OOSP3: variants seen among roughly 807,000 people sequenced by gnomAD.
OOSP3 encodes the protein oocyte secreted protein family member 3.
chr11:59,887,110 G>T (rs1354626003), intron 2 of OOSP3, among the ~76,000 whole-genome samples: 39 of 145,238 alleles, frequency 2.7e-4, no homozygotes, highest in South Asian at 1.3e-3. Flanking sequence ...CTTTTTAATG[G>T]TTTTTTTTTT....
intron 2 of OOSP3, among the ~76,000 whole-genome samples, chr11:59,882,264 A>ATT (rs200835564): frequency 6.7e-6 from 1 of 149,738 alleles, no homozygotes; most frequent in African/African-American, 2.4e-5. Context: ...TCTTTTGAAG[A>ATT]TTTTTTTTTT....
At chr11:59,881,870 C>CA (rs577001237) in intron 2 of OOSP3, among the ~76,000 whole-genome samples, 49 of 151,726 alleles carry the variant, frequency 3.2e-4, no homozygotes, top group African/African-American at 1.1e-3. Flanking sequence ...GACTCCGTCT[C>CA]AAAAAAATAA....
intron 2 of OOSP3, 147 bp from the exon 3 acceptor site, chr11:59,893,932 A>G (rs1257289105): frequency 2.5e-6 from 1 of 392,640 alleles, no homozygotes; most frequent in Non-Finnish European, 4.5e-6. Flanking sequence ...TTTCTGGTGA[A>G]TCAGTTTTCT....
intron 2 of OOSP3, among the ~76,000 whole-genome samples, chr11:59,881,362 CAAA>C (rs199571943): frequency 1.7e-5 from 2 of 116,012 alleles, no homozygotes; most frequent in African/African-American, 3.1e-5. Flanking sequence ...GAGACTATCT[CAAA>C]AAAAAAAAAA....
chr11:59,891,804 G>A (rs182272243), intron 2 of OOSP3, among the ~76,000 whole-genome samples: 40 of 152,368 alleles, frequency 2.6e-4, no homozygotes, highest in Middle Eastern at 3.4e-3. Context: ...CTGCACTGGG[G>A]TGAATCCCCC....
intron 2 of OOSP3, among the ~76,000 whole-genome samples, chr11:59,890,288 T>TA (rs1228817872): frequency 4.6e-5 from 7 of 152,348 alleles, no homozygotes; most frequent in African/African-American, 1.7e-4. Context: ...TTAAGGTTGA[T>TA]ATTGCTATGT....
exon 2 of OOSP3, chr11:59,880,410 C>T (rs1002127507): frequency 1.3e-5 from 5 of 398,320 alleles, no homozygotes; most frequent in Non-Finnish European, 2.2e-5. Flanking sequence ...GTTTAATTAC[C>T]CTGCCACTCA....
Position 59,894,872 on chromosome 11 carries a change from TA to T in OOSP3, c.351-629del, listed in dbSNP as rs553473450. Among the ~76,000 whole-genome samples, 73 of 152,226 alleles carry T rather than the reference TA, an allele frequency of 4.8e-4. No individual in the cohort carries two copies. The South Asian group carries it at 0.014, about 29-fold the overall frequency. On this transcript the variant is annotated intron_variant, in intron 3 of 4. Transcript: ENST00000646438. ...CAGGGAATGCTTGCAGAAACAGGAA[TA>T]GTAGCCAAATTACTCAGTTTTCAAC...
At chr11:59,894,248 T>C (rs371487337) in intron 3 of OOSP3, 72 bp downstream of exon 3, 163 of 397,608 alleles carry the variant, frequency 4.1e-4, no homozygotes, top group African/African-American at 2.6e-3. Flanking sequence ...ATTTGGAATA[T>C]GAAGCTTTAC....
rs180885868 is a variant in OOSP3, at chr11:59,890,597, C to T, written c.253-3482C>T. Among the ~76,000 whole-genome samples the T allele has an allele frequency of 2.0e-3, 307 of 152,256 alleles. 4 individuals carry two copies. Among genetic ancestry groups the T allele is most frequent in the African/African-American group, 6.6e-3 (273 of 41,558 alleles). On this transcript the variant is annotated intron_variant, in intron 2 of 4. Coordinates refer to ENST00000646438, the Ensembl canonical transcript of OOSP3. ...AATTCTTGTCTTTAAAAATGTTGAACATTGGCTCCCAATCTCTTTTGGCTT... is the reference window on the plus strand; with the variant it reads ...AATTCTTGTCTTTAAAAATGTTGAATATTGGCTCCCAATCTCTTTTGGCTT...
intron 3 of OOSP3, among the ~76,000 whole-genome samples, 192 bp downstream of exon 3, chr11:59,894,368 A>AC (rs547056620): frequency 9.2e-5 from 14 of 151,812 alleles, no homozygotes; most frequent in Admixed American, 2.6e-4. Flanking sequence ...ATGCCCTGGG[A>AC]CCCCCCCTTA....
At chr11:59,894,436 C>A (rs569650251) in intron 3 of OOSP3, among the ~76,000 whole-genome samples, 1 of 152,258 alleles carries the variant, frequency 6.6e-6, no homozygotes, top group South Asian at 2.1e-4. Context: ...GTGATACCAA[C>A]TGGGCTTGGA....
intron 2 of OOSP3, among the ~76,000 whole-genome samples, chr11:59,891,735 A>G (rs1853314774): frequency 6.6e-6 from 1 of 152,218 alleles, no homozygotes; most frequent in South Asian, 2.1e-4. Context: ...GTCAGGAGGC[A>G]TGGAATCAGG....
intron 3 of OOSP3, among the ~76,000 whole-genome samples, chr11:59,894,941 C>T (rs1853342570): frequency 6.6e-6 from 1 of 152,154 alleles, no homozygotes; most frequent in Admixed American, 6.5e-5. Context: ...AAGTTGTTCT[C>T]TATTCTACAT....
exon 5 of OOSP3, chr11:59,896,402 A>C: frequency 2.7e-6 from 1 of 370,778 alleles, no homozygotes; most frequent in East Asian, 3.9e-5. Context: ...ATACCCTTGC[A>C]TAGTCTCTTA....
At chr11:59,896,372 C>T (rs186556182) in exon 5 of OOSP3, 105 of 389,042 alleles carry the variant, frequency 2.7e-4, no homozygotes, top group Admixed American at 6.2e-4. Flanking sequence ...AAAAAGTGCT[C>T]CTTTTAAACA....
intron 2 of OOSP3, among the ~76,000 whole-genome samples, chr11:59,892,310 C>G (rs922182379): frequency 1.3e-5 from 2 of 152,150 alleles, no homozygotes; most frequent in Non-Finnish European, 2.9e-5. Context: ...GGTGAACCAT[C>G]ACCTGATCCT....
In OOSP3 at chr11:59,886,647, A is replaced by G. The variant is rs531895044; in HGVS notation, c.252+6208A>G. The stretch of plus-strand genomic sequence containing the variant: ...ATCTGTTGTTTCTTGACTTTTTAAT[A>G]ATCACCATTCTGACTGGTGTGAGAA... On this transcript the variant is annotated intron_variant, in intron 2 of 4. Coordinates refer to ENST00000646438, the Ensembl canonical transcript of OOSP3. Among the ~76,000 whole-genome samples the G allele has an allele frequency of 7.2e-5, 11 of 152,260 alleles. No homozygotes were observed. In the South Asian group the frequency reaches 2.3e-3, roughly 32 times the overall value.
chr11:59,884,102 C>T (rs1361429395), intron 2 of OOSP3, among the ~76,000 whole-genome samples: 5 of 152,058 alleles, frequency 3.3e-5, no homozygotes, highest in South Asian at 2.1e-4. Flanking sequence ...AGAATCTTGC[C>T]GTGGCTTAAA....
Sources: allele counts gnomAD v4.1 joint callset (sites outside exome capture counted in the v4.1 genomes callset), GRCh38; gene constraint gnomAD v4.1.1; transcripts MANE v1.5; gene names NCBI Gene and HGNC (gene_info 2026-07-23, HGNC 2026-07-21).